CFAP47: variants seen among roughly 807,000 people sequenced by gnomAD.
The protein encoded by CFAP47 is cilia and flagella associated protein 47.
Under a neutral mutation model 148.1 loss-of-function variants are expected in CFAP47, and 29 were observed. The observed-to-expected ratio is 0.20, with a 90% CI of 0.15 to 0.27. The LOEUF (loss-of-function observed/expected upper bound fraction) is 0.27, where lower values mean the gene tolerates loss of function less well. Among genes scored for constraint, CFAP47 ranks in the 10% least tolerant of loss-of-function variants. CFAP47 has a pLI of 1.00. For missense variants in CFAP47, 1,872 were observed against 1,697.5 expected (o/e 1.10, Z -1.81); for synonymous variants, 664 against 577.3 (o/e 1.15, Z -2.15).
At chrX:36,220,163 C>T (rs782173192) in intron 45 of CFAP47, among the ~76,000 whole-genome samples, 85 of 111,516 alleles carry the variant, frequency 7.6e-4, no homozygotes, top group Non-Finnish European at 1.4e-3. Context: ...GCAGTCAAAA[C>T]TTGTTTCATG....
intron 17 of CFAP47, 123 bp from the exon 18 acceptor site, chrX:35,993,067 T>C: frequency 3.8e-6 from 1 of 260,742 alleles, no homozygotes. Flanking sequence ...TATTACAAAA[T>C]CATTTTATGT....
Position 35,975,369 on chromosome X carries a change from G to A in CFAP47, c.2471+6G>A, listed in dbSNP as rs4412518. 124,449 of 1,078,268 alleles carry A rather than the reference G, an allele frequency of 0.12. 12,212 individuals are homozygous for A. Among genetic ancestry groups the A allele is most frequent in the African/African-American group, 0.62 (33,344 of 53,912 alleles). 88.9% of individuals were successfully genotyped at this position (1,078,268 alleles called of 1,213,427 possible). On this transcript the variant is annotated splice_donor_region_variant and intron_variant, in intron 14 of 63. Transcript: ENST00000378653. ...ACCATTGGAAAATTTTGGAAGTAGG[G>A]ATTATTTTTGAATTTCTGCTTGTTA... is the stretch of plus-strand genomic sequence containing the variant.
intron 8 of CFAP47, among the ~76,000 whole-genome samples, chrX:35,956,670 G>A (rs1312612601): frequency 9.0e-6 from 1 of 111,516 alleles, no homozygotes; most frequent in Non-Finnish European, 1.9e-5. Context: ...AACTTGTACT[G>A]CTGGTACAAA....
intron 29 of CFAP47, among the ~76,000 whole-genome samples, chrX:36,075,416 C>G (rs771791519): frequency 9.0e-6 from 1 of 110,516 alleles, no homozygotes; most frequent in African/African-American, 3.3e-5. Context: ...TTCATAGAGA[C>G]AGGGTTTCAC....
At chrX:35,960,380 GAAAAAAAA>G (rs1188987905) in intron 8 of CFAP47, among the ~76,000 whole-genome samples, 5 of 15,481 alleles carry the variant, frequency 3.2e-4, no homozygotes, top group East Asian at 2.5e-3. Flanking sequence ...GCTAATTTCT[GAAAAAAAA>G]AAAAAAAAAA....
intron 2 of CFAP47, among the ~76,000 whole-genome samples, chrX:35,935,685 T>G (rs7061418): frequency 0.19 from 20,278 of 109,012 alleles, 1,579 homozygotes; most frequent in African/African-American, 0.28. Flanking sequence ...GATCTTTAAG[T>G]GTGTGTTTGC....
In CFAP47 at chrX:36,344,116, A is replaced by T. The variant is rs782713490; in HGVS notation, c.8444-4013A>T. On this transcript the variant is annotated intron_variant, in intron 57 of 63. Transcript: ENST00000378653. ...GAGTGGGGAGGGATAGCATTGGGAGATACACCTAAGGCTAGATGACAAGTT... is the reference window on the plus strand; with the variant it reads ...GAGTGGGGAGGGATAGCATTGGGAGTTACACCTAAGGCTAGATGACAAGTT... Among the ~76,000 whole-genome samples the T allele has an allele frequency of 1.1e-4, 12 of 109,099 alleles. No homozygotes were observed. In the East Asian group the frequency reaches 2.9e-3, roughly 26 times the overall value. The allele number at this position is 109,099 out of a possible 115,157, so 94.7% of individuals were successfully genotyped here.
intron 55 of CFAP47, among the ~76,000 whole-genome samples, chrX:36,308,423 C>A (rs1388555415): frequency 9.0e-6 from 1 of 111,113 alleles, no homozygotes; most frequent in Non-Finnish European, 1.9e-5. Context: ...TGTGATTTTT[C>A]TTGCCATATT....
In CFAP47 at chrX:36,338,633, C is replaced by G. The variant is rs193084703; in HGVS notation, c.8444-9496C>G. On this transcript the variant is annotated intron_variant, in intron 57 of 63. Transcript: ENST00000378653. ...GCCCTGCTCATTCTCCTTTGCTGTT[C>G]CTGCCCCCCTAACTTCCTAGAGGCT... Among the ~76,000 whole-genome samples, 601 of 111,741 alleles carry G rather than the reference C, an allele frequency of 5.4e-3. 3 individuals carry two copies. Among genetic ancestry groups the G allele is most frequent in the Non-Finnish European group, 7.7e-3 (409 of 53,144 alleles).
At chrX:35,942,271 A>G (rs1426169526) in intron 3 of CFAP47, among the ~76,000 whole-genome samples, 5 of 111,508 alleles carry the variant, frequency 4.5e-5, no homozygotes, top group African/African-American at 1.6e-4. Flanking sequence ...CTATTCCACT[A>G]ACTGAGAGTG....
intron 16 of CFAP47, among the ~76,000 whole-genome samples, chrX:35,990,860 T>C (rs1936781148): frequency 9.0e-6 from 1 of 111,506 alleles, no homozygotes; most frequent in African/African-American, 3.3e-5. Context: ...CTTTTTATTT[T>C]AAAAGTCACT....
intron 62 of CFAP47, among the ~76,000 whole-genome samples, chrX:36,377,462 G>A (rs1556023197): frequency 8.9e-6 from 1 of 111,945 alleles, no homozygotes; most frequent in East Asian, 2.8e-4. Context: ...CCCACCTTTT[G>A]ATGGGGTTAT....
At chrX:36,145,889 AC>A (rs1196710619) in intron 36 of CFAP47, among the ~76,000 whole-genome samples, 2 of 110,292 alleles carry the variant, frequency 1.8e-5, no homozygotes, top group Non-Finnish European at 3.8e-5. Context: ...AAAAAAAAAA[AC>A]AAAACCCAGG....
At chrX:36,105,439 A>T (rs1938450437) in intron 33 of CFAP47, among the ~76,000 whole-genome samples, 1 of 112,044 alleles carries the variant, frequency 8.9e-6, no homozygotes, top group African/African-American at 3.2e-5. Flanking sequence ...TTAATATCCA[A>T]TATGCAGAAT....
At chrX:36,074,154 G>T (rs193156588) in intron 29 of CFAP47, among the ~76,000 whole-genome samples, 42 of 111,856 alleles carry the variant, frequency 3.8e-4, no homozygotes, top group African/African-American at 1.4e-3. Context: ...GAATGAATTG[G>T]CTAATATTTC....
intron 40 of CFAP47, among the ~76,000 whole-genome samples, chrX:36,180,747 A>G (rs1159832422): frequency 8.9e-6 from 1 of 112,070 alleles, no homozygotes; most frequent in East Asian, 2.8e-4. Flanking sequence ...TTTTTGTCTC[A>G]CTGAATTTAT....
intron 26 of CFAP47, among the ~76,000 whole-genome samples, chrX:36,047,402 C>A (rs1937479155): frequency 9.0e-6 from 1 of 111,537 alleles, no homozygotes; most frequent in Admixed American, 9.6e-5. Context: ...AATTATTGAG[C>A]AATTGGACAG....
At chrX:36,285,789 A>G (rs1348586132) in intron 51 of CFAP47, 63 bp downstream of exon 51, 2 of 860,696 alleles carry the variant, frequency 2.3e-6, no homozygotes, top group African/African-American at 2.1e-5. Flanking sequence ...CTTTTGTTGT[A>G]TAGTAAATTA....
chrX:36,256,301 G>A (rs1940751353), intron 49 of CFAP47, among the ~76,000 whole-genome samples: 1 of 111,817 alleles, frequency 8.9e-6, no homozygotes, highest in Non-Finnish European at 1.9e-5. Flanking sequence ...TTTATTAGTA[G>A]TAATTCTCAA....
Sources: allele counts gnomAD v4.1 joint callset (sites outside exome capture counted in the v4.1 genomes callset), GRCh38; gene constraint gnomAD v4.1.1; transcripts MANE v1.5; gene names NCBI Gene and HGNC (gene_info 2026-07-23, HGNC 2026-07-21).